Variants in ATAD3A observed in about 807,000 individuals in gnomAD.
The protein encoded by ATAD3A is ATPase family AAA domain-containing protein 3A.
Under a neutral mutation model 73.8 loss-of-function variants are expected in ATAD3A, and 46 were observed. The observed-to-expected ratio is 0.62, with a 90% CI of 0.49 to 0.80. The LOEUF is 0.80. ATAD3A is among the 30% of genes least tolerant of loss of function. The pLI is 0.00. For synonymous variants in ATAD3A, 319 were observed against 350.0 expected (o/e 0.91, Z 0.99); for missense variants, 705 against 838.0 (o/e 0.84, Z 1.96).
At chr1:1,532,959 G>A (rs1642083700) in intron 15 of ATAD3A, among the ~76,000 whole-genome samples, 1 of 152,166 alleles carries the variant, frequency 6.6e-6, no homozygotes, top group African/African-American at 2.4e-5. Flanking sequence ...ACCCACAGTG[G>A]TGGTCCGGCT....
Position 1,520,736 on chromosome 1 carries a change from G to A in ATAD3A, c.750+119G>A, listed in dbSNP as rs1157420793. Reference sequence around the variant, plus strand: ...ACAGCCCTGTAGCTCTCCCAGCAGGGAGGAAGCCCACGTTGTACCTGCTGG... The same window carrying A: ...ACAGCCCTGTAGCTCTCCCAGCAGGAAGGAAGCCCACGTTGTACCTGCTGG... On this transcript the variant is annotated intron_variant, in intron 7 of 15. Transcript: ENST00000378756. This position sits in a 1 kb window ranked among gnomAD's most constrained non-coding sequence, Gnocchi z 4.0. 11 of 1,508,268 alleles carry A rather than the reference G, an allele frequency of 7.3e-6. No homozygotes were observed. The East Asian group carries it at 1.6e-4, about 22-fold the overall frequency. The allele number at this position is 1,508,268 out of a possible 1,614,324, so 93.4% of individuals were successfully genotyped here.
chr1:1,520,702 C>T lies in ATAD3A; in HGVS notation c.750+85C>T, dbSNP rs201462377. 27 of 1,601,818 alleles carry T rather than the reference C, an allele frequency of 1.7e-5. No individual in the cohort carries two copies. The highest frequency in any genetic ancestry group is 1.1e-4 in the African/African-American group (8 of 74,818). ...CTGGAGCCCCAGGTCCTGTCCCTGCCGGCTCTGCACAGCCCTGTAGCTCTC... is the reference window on the plus strand; with the variant it reads ...CTGGAGCCCCAGGTCCTGTCCCTGCTGGCTCTGCACAGCCCTGTAGCTCTC... On this transcript the variant is annotated intron_variant, in intron 7 of 15. Coordinates refer to ENST00000378756, the MANE Select transcript of ATAD3A (RefSeq NM_001170535.3). The surrounding 1 kb of genome is among the most constrained non-coding windows in gnomAD (Gnocchi z 4.0).
In ATAD3A at chr1:1,530,551, C is replaced by G. The variant is rs535104143; in HGVS notation, c.1614+1220C>G. Among the ~76,000 whole-genome samples the G allele has an allele frequency of 2.9e-5, 3 of 104,576 alleles. No homozygotes were observed. The East Asian group carries it at 1.1e-3, about 39-fold the overall frequency. 68.6% of individuals were successfully genotyped at this position (104,576 alleles called of 152,430 possible). On this transcript the variant is annotated intron_variant, in intron 15 of 15. Coordinates refer to ENST00000378756, the MANE Select transcript of ATAD3A (RefSeq NM_001170535.3). ...TGTCTTAAAAACTAAGAATAATGGC[C>G]GGGCGCGGTGGCTCACGCCTGTAAT...
At chr1:1,522,241 A>G (rs1641625133) in intron 7 of ATAD3A, among the ~76,000 whole-genome samples, 1 of 151,962 alleles carries the variant, frequency 6.6e-6, no homozygotes, top group Non-Finnish European at 1.5e-5. Context: ...GGGTTTCTCC[A>G]TGTGGGTTAG....
chr1:1,527,574 C>A, intron 13 of ATAD3A, 121 bp from the exon 14 acceptor site: 1 of 1,325,546 alleles, frequency 7.5e-7, no homozygotes. Flanking sequence ...CAGGGCTGTG[C>A]CCGTGTCCTC....
intron 13 of ATAD3A, among the ~76,000 whole-genome samples, 182 bp downstream of exon 13, chr1:1,526,713 A>C (rs1248366446): frequency 6.6e-6 from 1 of 152,202 alleles, no homozygotes; most frequent in Non-Finnish European, 1.5e-5. Flanking sequence ...GGTGTCACTG[A>C]GGAACATGCG....
At chr1:1,528,589 TG>T (rs1236939263) in intron 14 of ATAD3A, among the ~76,000 whole-genome samples, 3 of 152,170 alleles carry the variant, frequency 2.0e-5, no homozygotes, top group Non-Finnish European at 4.4e-5. Flanking sequence ...GCAGGCACGG[TG>T]GGCAGAGCCC....
intron 15 of ATAD3A, among the ~76,000 whole-genome samples, chr1:1,530,525 C>G (rs1342236862): frequency 6.8e-6 from 1 of 146,926 alleles, no homozygotes; most frequent in Non-Finnish European, 1.5e-5. Flanking sequence ...GAGCAAGACC[C>G]TGTCTTAAAA....
Position 1,522,914 on chromosome 1 carries a change from C to T in ATAD3A, c.906+15C>T. On this transcript the variant is annotated intron_variant, in intron 8 of 15. Coordinates refer to ENST00000378756, the MANE Select transcript of ATAD3A (RefSeq NM_001170535.3). ...ACCCCATCCAGGTAGCAGCGCAGGC[C>T]TGGCCCTCCCTGAGTGCAGTTCCTG... 1 of 1,605,170 alleles carries T rather than the reference C, an allele frequency of 6.2e-7. No homozygotes were observed. The highest frequency in any genetic ancestry group is 8.5e-7 in the Non-Finnish European group (1 of 1,179,064).
Position 1,523,646 on chromosome 1 carries a change from C to T in ATAD3A, c.963+79C>T. On this transcript the variant is annotated intron_variant, in intron 9 of 15. Transcript: ENST00000378756. The surrounding 1 kb of genome is among the most constrained non-coding windows in gnomAD (Gnocchi z 5.1). ...GGCCGGGCTGTGGCCCTTGCTGGCG[C>T]TCGTGGTGGCACCCAGGAGCTTTTG... 1 of 1,604,310 alleles carries T rather than the reference C, an allele frequency of 6.2e-7. No individual in the cohort carries two copies. The highest frequency in any genetic ancestry group is 1.3e-5 in the African/African-American group (1 of 74,694).
chr1:1,522,907 C>T lies in ATAD3A; in HGVS notation c.906+8C>T, dbSNP rs753289349. 1.7e-5 allele frequency: 27 copies of T among 1,605,780 alleles called. No homozygotes were observed. The East Asian group carries it at 4.3e-4, about 26-fold the overall frequency. ...CTGCGGCACCCCATCCAGGTAGCAG[C>T]GCAGGCCTGGCCCTCCCTGAGTGCA... On this transcript the variant is annotated splice_region_variant and intron_variant, in intron 8 of 15. Transcript: ENST00000378756.
chr1:1,518,859 G>A (rs1187457283), intron 4 of ATAD3A, 62 bp from the exon 5 acceptor site: 149 of 1,611,484 alleles, frequency 9.2e-5, no homozygotes, highest in Middle Eastern at 6.6e-4. Context: ...GTCATCCCCC[G>A]CACACATGGG....
intron 15 of ATAD3A, among the ~76,000 whole-genome samples, chr1:1,531,472 AAAT>A (rs919729521): frequency 3.3e-5 from 5 of 150,292 alleles, no homozygotes; most frequent in East Asian, 4.0e-4. Flanking sequence ...CGAAAACTAA[AAAT>A]AATAATAACT....
chr1:1,526,662 T>A, intron 13 of ATAD3A, 131 bp downstream of exon 13: 1 of 1,537,090 alleles, frequency 6.5e-7, no homozygotes, highest in South Asian at 1.2e-5. Context: ...CATGCCCACC[T>A]CGGATGTCCC....
chr1:1,523,584 G>T lies in ATAD3A; in HGVS notation c.963+17G>T. The T allele has an allele frequency of 6.2e-7, 1 of 1,612,728 alleles. No individual in the cohort carries two copies. The highest frequency in any genetic ancestry group is 8.5e-7 in the Non-Finnish European group (1 of 1,179,778). ...GTGCTCAGTGTAAGTCGGTGTGCCT[G>T]GGACCGGGGAGGCGCAGGGAGGGGA... On this transcript the variant is annotated intron_variant, in intron 9 of 15. Coordinates refer to ENST00000378756, the MANE Select transcript of ATAD3A (RefSeq NM_001170535.3). The surrounding 1 kb of genome is among the most constrained non-coding windows in gnomAD (Gnocchi z 5.1).
intron 7 of ATAD3A, among the ~76,000 whole-genome samples, chr1:1,521,693 C>T (rs1007273560): frequency 4.4e-4 from 67 of 152,206 alleles, no homozygotes; most frequent in Admixed American, 2.0e-4. Flanking sequence ...CTTAATGCGC[C>T]GATGACTTTT....
chr1:1,525,555 C>A (rs936873720), intron 12 of ATAD3A, among the ~76,000 whole-genome samples: 1 of 151,854 alleles, frequency 6.6e-6, no homozygotes, highest in Non-Finnish European at 1.5e-5. Context: ...GCTGGGACTA[C>A]AGGCTCCCGC....
chr1:1,514,641 G>T (rs1390462381), intron 1 of ATAD3A, among the ~76,000 whole-genome samples: 2 of 152,162 alleles, frequency 1.3e-5, no homozygotes, highest in African/African-American at 4.8e-5. Flanking sequence ...CTGTCTAAAT[G>T]CAACGAGTGC....
chr1:1,525,505 C>T (rs1641779337), intron 12 of ATAD3A, among the ~76,000 whole-genome samples: 1 of 150,638 alleles, frequency 6.6e-6, no homozygotes, highest in Non-Finnish European at 1.5e-5. Context: ...AGCTCCACCT[C>T]CCAGGTTCAC....
Sources: allele counts gnomAD v4.1 joint callset (sites outside exome capture counted in the v4.1 genomes callset), GRCh38; gene constraint gnomAD v4.1.1; non-coding constraint Gnocchi (gnomAD v3.1); transcripts MANE v1.5; gene names NCBI Gene and HGNC (gene_info 2026-07-23, HGNC 2026-07-21).